Variants in DPYSL5 observed in about 807,000 individuals in gnomAD.
DPYSL5 encodes the protein dihydropyrimidinase-related protein 5.
A neutral mutation model predicts 58.4 loss-of-function variants in DPYSL5; 9 were observed. That is an observed-to-expected ratio of 0.15 (90% CI 0.09 to 0.27). DPYSL5 has a LOEUF of 0.27. Among genes scored for constraint, DPYSL5 ranks in the 10% least tolerant of loss-of-function variants. The pLI is 1.00. For missense variants in DPYSL5, 499 were observed against 770.6 expected (o/e 0.65, Z 4.17); for synonymous variants, 293 against 301.9 (o/e 0.97, Z 0.31).
chr2:26,925,111 G>T lies in DPYSL5; in HGVS notation c.420+66G>T, dbSNP rs1195036053. 5 of 1,568,830 alleles carry T rather than the reference G, an allele frequency of 3.2e-6. No individual in the cohort carries two copies. In the South Asian group the frequency reaches 4.7e-5, roughly 15 times the overall value. On this transcript the variant is annotated intron_variant, in intron 3 of 12. Transcript: ENST00000288699. This position sits in a 1 kb window ranked among gnomAD's most constrained non-coding sequence, Gnocchi z 4.5. Reference sequence around the variant, plus strand: ...TCTTGTAGGCAGAGGGGCTGGTTGGGGTGCAGTGCCTCCTGCTTGTGTGGG... The same window carrying T: ...TCTTGTAGGCAGAGGGGCTGGTTGGTGTGCAGTGCCTCCTGCTTGTGTGGG...
At position 26,905,786 on chromosome 2, in the gene DPYSL5, G is replaced by A. The variant is rs1572699144; in HGVS notation, c.261+7026G>A. 2.0e-5 allele frequency among the ~76,000 whole-genome samples: 3 copies of A among 152,252 alleles called. No homozygotes were observed. In the East Asian group the frequency reaches 5.8e-4, roughly 29 times the overall value. On this transcript the variant is annotated intron_variant, in intron 2 of 12. Coordinates refer to ENST00000288699, the MANE Select transcript of DPYSL5 (RefSeq NM_020134.4). This position sits in a 1 kb window ranked among gnomAD's most constrained non-coding sequence, Gnocchi z 4.0. ...CTTGTAGAGGGTATATTAGTTTTCT[G>A]CTGTGTAACTAATTGCCTCAAGTTC...
intron 1 of DPYSL5, among the ~76,000 whole-genome samples, chr2:26,892,235 T>C (rs927759184): frequency 1.3e-5 from 2 of 152,318 alleles, no homozygotes; most frequent in African/African-American, 4.8e-5. Context: ...TCCTGCCTTG[T>C]TCCCACTTTG....
chr2:26,889,506 A>G (rs1280850094), intron 1 of DPYSL5, among the ~76,000 whole-genome samples: 1 of 151,508 alleles, frequency 6.6e-6, no homozygotes, highest in Non-Finnish European at 1.5e-5. Flanking sequence ...TCCTGACCTC[A>G]TGATCCACCT....
chr2:26,941,057 C>T (rs1329848409), intron 9 of DPYSL5, among the ~76,000 whole-genome samples: 2 of 151,972 alleles, frequency 1.3e-5, no homozygotes, highest in African/African-American at 4.8e-5. Flanking sequence ...CTGCCTCAGC[C>T]TCCCGAGTAG....
intron 1 of DPYSL5, among the ~76,000 whole-genome samples, chr2:26,870,132 G>A (rs1024364210): frequency 7.2e-5 from 11 of 152,166 alleles, no homozygotes; most frequent in Admixed American, 1.3e-4. Context: ...GGTCAGGGGA[G>A]GCATCCATGT....
intron 1 of DPYSL5, among the ~76,000 whole-genome samples, chr2:26,895,791 T>C (rs951790290): frequency 2.1e-5 from 3 of 144,922 alleles, no homozygotes; most frequent in Non-Finnish European, 3.0e-5. Flanking sequence ...TTTTTTTTTT[T>C]TTTTTTTGAG....
intron 1 of DPYSL5, among the ~76,000 whole-genome samples, chr2:26,880,772 C>T (rs556087164): frequency 3.8e-4 from 58 of 152,320 alleles, no homozygotes; most frequent in African/African-American, 1.2e-3. Context: ...CTGTGGCTGA[C>T]GCTGTAAATG....
chr2:26,898,723 A>G lies in DPYSL5; in HGVS notation c.224A>G (p.Asn75Ser). The stretch of plus-strand genomic sequence containing the variant: ...ACCCACTTCCACCAGACCTTCATGA[A>G]TGCCACGTGCGTGGACGACTTCTAC... Reference protein sequence around the residue: ...TSTHFHQTFMNATCVDDFYHG... With the variant: ...TSTHFHQTFMSATCVDDFYHG... The change falls in exon 2 of 13, where the codon AAT becomes AGT. Residue 75 changes from asparagine (N) to serine (S), a missense_variant. Around this residue, in one of 3 missense-constraint regions of DPYSL5, gnomAD observed 404 missense variants for 647.6 expected, o/e 0.62. Coordinates refer to ENST00000288699, the MANE Select transcript of DPYSL5 (RefSeq NM_020134.4). The surrounding 1 kb of genome is among the most constrained non-coding windows in gnomAD (Gnocchi z 6.1). 6.2e-7 allele frequency: 1 copy of G among 1,613,572 alleles called. No individual in the cohort carries two copies. The highest frequency in any genetic ancestry group is 8.5e-7 in the Non-Finnish European group (1 of 1,179,522).
intron 2 of DPYSL5, among the ~76,000 whole-genome samples, chr2:26,914,809 G>T (rs1370192356): frequency 6.6e-6 from 1 of 152,118 alleles, no homozygotes; most frequent in Non-Finnish European, 1.5e-5. Context: ...CCTACGGGGA[G>T]CAGGAACTCA....
At chr2:26,861,563 G>T (rs1033629597) in intron 1 of DPYSL5, among the ~76,000 whole-genome samples, 1 of 152,224 alleles carries the variant, frequency 6.6e-6, no homozygotes, top group African/African-American at 2.4e-5. Flanking sequence ...AGTGGTATCG[G>T]TGCAGAGAGA....
At chr2:26,930,786 A>C (rs1413092588) in intron 5 of DPYSL5, among the ~76,000 whole-genome samples, 1 of 152,036 alleles carries the variant, frequency 6.6e-6, no homozygotes, top group African/African-American at 2.4e-5. Context: ...CATCCTGGCT[A>C]ACATGGTGAA....
chr2:26,878,668 T>C (rs1420071177), intron 1 of DPYSL5, among the ~76,000 whole-genome samples: 5 of 152,260 alleles, frequency 3.3e-5, no homozygotes, highest in Non-Finnish European at 2.9e-5. Flanking sequence ...ACTTCTTTGC[T>C]TGCCATGCTA....
chr2:26,865,312 CTTTTTTTTT>C (rs1192892146), intron 1 of DPYSL5, among the ~76,000 whole-genome samples: 3 of 89,574 alleles, frequency 3.3e-5, no homozygotes, highest in African/African-American at 4.3e-5. Context: ...GTTTTGTGTT[CTTTTTTTTT>C]TTTTTTTTTT....
chr2:26,890,781 G>A (rs1663858649), intron 1 of DPYSL5, among the ~76,000 whole-genome samples: 1 of 152,222 alleles, frequency 6.6e-6, no homozygotes, highest in Non-Finnish European at 1.5e-5. Context: ...GGCGGGTCGG[G>A]TTGTGGTGAG....
At position 26,944,207 on chromosome 2, in the gene DPYSL5, T is replaced by C. The variant is rs952439313; in HGVS notation, c.1441-449T>C. Among the ~76,000 whole-genome samples the C allele has an allele frequency of 1.3e-5, 2 of 152,024 alleles. No homozygotes were observed. The highest frequency in any genetic ancestry group is 4.8e-5 in the African/African-American group (2 of 41,384). On this transcript the variant is annotated intron_variant, in intron 11 of 12. Coordinates refer to ENST00000288699, the MANE Select transcript of DPYSL5 (RefSeq NM_020134.4). This position sits in a 1 kb window ranked among gnomAD's most constrained non-coding sequence, Gnocchi z 4.4. ...GGGAGGCTGAGGCAGGAGAATCACT[T>C]TGCGGGGGCGGAGGTTGCAGTGAGC...
At position 26,931,195 on chromosome 2, in the gene DPYSL5, GTGTGTGTGTATA is replaced by G. The variant is rs1369039193; in HGVS notation, c.670-443_670-432del. ...TGTGTGTGTGTGTGTGTGTGTGTGT[GTGTGTGTGTATA>G]TATATATATATATATATATATATGA... On this transcript the variant is annotated intron_variant, in intron 5 of 12. Transcript: ENST00000288699. Among the ~76,000 whole-genome samples, 13 of 53,964 alleles carry G rather than the reference GTGTGTGTGTATA, an allele frequency of 2.4e-4. 1 individual carries two copies. Among genetic ancestry groups the G allele is most frequent in the African/African-American group, 8.0e-4 (13 of 16,298 alleles). 35.4% of individuals were successfully genotyped at this position (53,964 alleles called of 152,430 possible).
chr2:26,928,244 C>G lies in DPYSL5; in HGVS notation c.601-11C>G. ...GATTCTCTCCATTTTCTTTCTCTTG[C>G]TGTTATCCAGGGTGCTAAGGAGGCA... On this transcript the variant is annotated splice_polypyrimidine_tract_variant and intron_variant, in intron 4 of 12. Transcript: ENST00000288699. 1 of 1,613,680 alleles carries G rather than the reference C, an allele frequency of 6.2e-7. No homozygotes were observed. The highest frequency in any genetic ancestry group is 8.5e-7 in the Non-Finnish European group (1 of 1,179,742).
chr2:26,931,146 AAAAAAAAT>A (rs200020823), intron 5 of DPYSL5, among the ~76,000 whole-genome samples: 11,252 of 54,650 alleles, frequency 0.21, 2,077 homozygotes, highest in East Asian at 0.28. Context: ...CTAAAAAAAA[AAAAAAAAT>A]ATATATATAT....
At chr2:26,897,823 G>A (rs1460597658) in intron 1 of DPYSL5, among the ~76,000 whole-genome samples, 1 of 152,326 alleles carries the variant, frequency 6.6e-6, no homozygotes, top group East Asian at 1.9e-4. Flanking sequence ...ATCTCTGGGG[G>A]TGGGGCTTGG....
Sources: allele counts gnomAD v4.1 joint callset (sites outside exome capture counted in the v4.1 genomes callset), GRCh38; gene constraint gnomAD v4.1.1; regional missense constraint gnomAD v4.1.1; non-coding constraint Gnocchi (gnomAD v3.1); transcripts MANE v1.5; gene names NCBI Gene and HGNC (gene_info 2026-07-23, HGNC 2026-07-21).